The following CCDC146 variants were observed in gnomAD, a reference collection of about 807,000 sequenced individuals.
CCDC146 encodes coiled-coil domain-containing protein 146.
Under a neutral mutation model 119.3 loss-of-function variants are expected in CCDC146, and 92 were observed. That is an observed-to-expected ratio of 0.77 (90% CI 0.65 to 0.92). The LOEUF is 0.92. Among genes scored for constraint, CCDC146 ranks in the 40% least tolerant of loss-of-function variants. The pLI is 0.00. For synonymous variants in CCDC146, 372 were observed against 371.8 expected, an observed-to-expected ratio of 1.00 and a Z score of -0.01; for missense variants, 1,000 against 1,103.0, an observed-to-expected ratio of 0.91 and a Z score of 1.32.
chr7:77,144,632 G>A (rs1156279587), intron 1 of CCDC146, among the ~76,000 whole-genome samples: 2 of 151,798 alleles, frequency 1.3e-5, no homozygotes, highest in African/African-American at 2.4e-5. Context: ...ATGAAGAGCT[G>A]TTGAATTTTG....
intron 8 of CCDC146, among the ~76,000 whole-genome samples, chr7:77,261,722 C>A (rs1326039535): frequency 1.3e-5 from 2 of 152,118 alleles, no homozygotes; most frequent in African/African-American, 2.4e-5. Flanking sequence ...CATGATCCAC[C>A]CACCTCGGCC....
chr7:77,241,079 A>G (rs1792838167), intron 3 of CCDC146, among the ~76,000 whole-genome samples: 1 of 60,558 alleles, frequency 1.7e-5, no homozygotes, highest in African/African-American at 6.9e-5. Flanking sequence ...CTCGGCTGAG[A>G]TGGAGTCTCA....
At chr7:77,179,663 G>A (rs1032602845) in intron 2 of CCDC146, among the ~76,000 whole-genome samples, 1 of 152,094 alleles carries the variant, frequency 6.6e-6, no homozygotes, top group Non-Finnish European at 1.5e-5. Flanking sequence ...CATCTTAAAA[G>A]GTCAAATTCC....
At chr7:77,211,804 TG>T (rs764750943) in intron 2 of CCDC146, among the ~76,000 whole-genome samples, 4 of 152,024 alleles carry the variant, frequency 2.6e-5, no homozygotes, top group Admixed American at 6.6e-5. Context: ...TTAGTAGAGA[TG>T]GGGTTTCACC....
intron 1 of CCDC146, among the ~76,000 whole-genome samples, chr7:77,158,516 G>GT (rs112606851): frequency 2.7e-4 from 41 of 150,686 alleles, no homozygotes; most frequent in South Asian, 4.2e-4. Flanking sequence ...GATATTTATT[G>GT]TTTTTTTTTG....
At chr7:77,272,284 G>A (rs1793539597) in intron 9 of CCDC146, among the ~76,000 whole-genome samples, 1 of 152,188 alleles carries the variant, frequency 6.6e-6, no homozygotes, top group Non-Finnish European at 1.5e-5. Flanking sequence ...AGTCCAGTGT[G>A]TGCATCTCAA....
chr7:77,231,852 G>A (rs1289050206), intron 2 of CCDC146, among the ~76,000 whole-genome samples: 1 of 151,174 alleles, frequency 6.6e-6, no homozygotes, highest in Non-Finnish European at 1.5e-5. Flanking sequence ...AAAGGAACTG[G>A]GGATCTCACT....
intron 9 of CCDC146, among the ~76,000 whole-genome samples, chr7:77,268,062 C>G (rs1238654078): frequency 6.6e-6 from 1 of 152,106 alleles, no homozygotes; most frequent in Non-Finnish European, 1.5e-5. Flanking sequence ...TGTCATGTGA[C>G]TTGAGGAACG....
chr7:77,270,414 A>T (rs1793489342), intron 9 of CCDC146, among the ~76,000 whole-genome samples: 1 of 152,146 alleles, frequency 6.6e-6, no homozygotes, highest in South Asian at 2.1e-4. Flanking sequence ...TATAAAAACT[A>T]AAAGAACTAT....
intron 9 of CCDC146, among the ~76,000 whole-genome samples, chr7:77,272,696 A>G (rs1026517819): frequency 6.6e-6 from 1 of 152,198 alleles, no homozygotes; most frequent in Admixed American, 6.5e-5. Context: ...TTTCCCCATC[A>G]GCTGCCACAT....
intron 2 of CCDC146, among the ~76,000 whole-genome samples, chr7:77,217,045 T>G (rs1407407322): frequency 6.6e-6 from 1 of 152,124 alleles, no homozygotes; most frequent in Non-Finnish European, 1.5e-5. Context: ...TACTATAATT[T>G]TAAAATATTT....
intron 2 of CCDC146, among the ~76,000 whole-genome samples, chr7:77,207,520 A>G (rs182509842): frequency 3.7e-4 from 57 of 152,334 alleles, no homozygotes; most frequent in African/African-American, 1.3e-3. Context: ...CTATTGCACA[A>G]GAAAACAGCA....
chr7:77,170,342 G>GTA (rs200094115), intron 2 of CCDC146, among the ~76,000 whole-genome samples: 41,166 of 151,808 alleles, frequency 0.27, 7,035 homozygotes, highest in Non-Finnish European at 0.34. Flanking sequence ...ATTCTGTGGT[G>GTA]TATATATATA....
intron 1 of CCDC146, among the ~76,000 whole-genome samples, chr7:77,147,104 C>T (rs896068761): frequency 6.6e-6 from 1 of 152,100 alleles, no homozygotes; most frequent in Admixed American, 6.6e-5. Context: ...GTACTTTGTT[C>T]GTTTCTTTTT....
chr7:77,199,480 T>C (rs1394142495), intron 2 of CCDC146: 2 of 1,614,170 alleles, frequency 1.2e-6, no homozygotes, highest in East Asian at 4.5e-5. Flanking sequence ...GTCTCCGTTG[T>C]CATCAGCCTG....
intron 2 of CCDC146, among the ~76,000 whole-genome samples, chr7:77,176,525 G>A (rs1202352231): frequency 6.9e-6 from 1 of 144,536 alleles, no homozygotes; most frequent in African/African-American, 2.8e-5. Context: ...GAAGCAACAG[G>A]TCTGAAGGGA....
At chr7:77,248,147 G>A (rs3108416) in intron 4 of CCDC146, among the ~76,000 whole-genome samples, 142,588 of 152,260 alleles carry the variant, frequency 0.94, 66,895 homozygotes, top group African/African-American at 0.98. Context: ...ACTGAAGGCC[G>A]TTATCTTAAG....
At chr7:77,173,237 C>T (rs926621648) in intron 2 of CCDC146, among the ~76,000 whole-genome samples, 24 of 151,890 alleles carry the variant, frequency 1.6e-4, no homozygotes, top group Non-Finnish European at 2.4e-4. Context: ...TTTAGAGTTC[C>T]CCACTGACAT....
chr7:77,207,962 T>C (rs1284163662), intron 2 of CCDC146, among the ~76,000 whole-genome samples: 1 of 152,238 alleles, frequency 6.6e-6, no homozygotes, highest in Non-Finnish European at 1.5e-5. Context: ...TTTGCATTTA[T>C]TGGACTAGGC....
Sources: gnomAD v4.1 joint callset for allele counts (sites outside exome capture counted in the v4.1 genomes callset) on GRCh38, gnomAD v4.1.1 for gene constraint, MANE v1.5 for transcripts, NCBI Gene and HGNC (gene_info 2026-07-23, HGNC 2026-07-21) for gene names.